Variants in FHIT observed in about 807,000 individuals in gnomAD.
FHIT encodes the protein bis(5'-adenosyl)-triphosphatase.
In FHIT, 19 loss-of-function variants were observed where a neutral mutation model predicts 17.9. The ratio of observed to expected loss-of-function variants is 1.06; its 90% CI spans 0.74 to 1.56. The LOEUF is 1.56. Among genes scored for constraint, FHIT ranks in the 40% most tolerant of loss-of-function variants. FHIT has a pLI of 0.00. For missense variants in FHIT, 248 were observed against 189.2 expected, an observed-to-expected ratio of 1.31 and a Z score of -1.82; for synonymous variants, 81 against 69.7, an observed-to-expected ratio of 1.16 and a Z score of -0.81.
At chr3:60,818,740 T>C (rs961053316) in intron 4 of FHIT, among the ~76,000 whole-genome samples, 1 of 152,184 alleles carries the variant, frequency 6.6e-6, no homozygotes, top group Admixed American at 6.5e-5. Flanking sequence ...GAGCTTCCCC[T>C]CTCTGCCTCT....
intron 4 of FHIT, among the ~76,000 whole-genome samples, chr3:60,556,653 C>A (rs183674412): frequency 6.6e-6 from 1 of 152,176 alleles, no homozygotes; most frequent in Non-Finnish European, 1.5e-5. Flanking sequence ...AAGTGGTCAC[C>A]CAACACCGCT....
intron 8 of FHIT, among the ~76,000 whole-genome samples, chr3:59,757,874 A>C (rs1701300289): frequency 6.6e-6 from 1 of 152,148 alleles, no homozygotes; most frequent in South Asian, 2.1e-4. Flanking sequence ...CTCTCTTATT[A>C]CTTTCTATTC....
At chr3:59,909,677 C>T (rs1450123294) in intron 8 of FHIT, among the ~76,000 whole-genome samples, 10 of 152,162 alleles carry the variant, frequency 6.6e-5, no homozygotes, top group African/African-American at 2.2e-4. Context: ...ACTTAGCTAG[C>T]TCACACACAC....
intron 3 of FHIT, among the ~76,000 whole-genome samples, chr3:60,915,758 C>A (rs1283899217): frequency 6.6e-6 from 1 of 152,004 alleles, no homozygotes; most frequent in Non-Finnish European, 1.5e-5. Flanking sequence ...ACTGTCAAAA[C>A]AAAAGTCAAG....
At chr3:61,186,604 T>A (rs982991414) in intron 2 of FHIT, among the ~76,000 whole-genome samples, 4 of 152,170 alleles carry the variant, frequency 2.6e-5, no homozygotes, top group Non-Finnish European at 5.9e-5. Context: ...CTGAGAGATA[T>A]GTTTGTCCAT....
intron 3 of FHIT, among the ~76,000 whole-genome samples, chr3:61,021,595 T>A: frequency 1.7e-5 from 1 of 58,836 alleles, no homozygotes; most frequent in African/African-American, 6.6e-5. Context: ...CGAGACTCCG[T>A]CTCAAAAAAA....
At chr3:60,742,365 C>A (rs1553714085) in intron 4 of FHIT, among the ~76,000 whole-genome samples, 1 of 152,176 alleles carries the variant, frequency 6.6e-6, no homozygotes, top group African/African-American at 2.4e-5. Context: ...GACATTGAGA[C>A]ATTGCCCACA....
chr3:60,201,978 C>G (rs1439761100), intron 5 of FHIT, among the ~76,000 whole-genome samples: 1 of 152,124 alleles, frequency 6.6e-6, no homozygotes, highest in Non-Finnish European at 1.5e-5. Flanking sequence ...GCTGCCTGTC[C>G]CAGGATTGCC....
At chr3:60,182,183 C>G (rs575227412) in intron 5 of FHIT, among the ~76,000 whole-genome samples, 235 of 152,258 alleles carry the variant, frequency 1.5e-3, no homozygotes, top group African/African-American at 5.2e-3. Flanking sequence ...GGTTGCTTTC[C>G]TCCCCACCTG....
chr3:60,923,367 C>T (rs1032993819), intron 3 of FHIT, among the ~76,000 whole-genome samples: 5 of 152,144 alleles, frequency 3.3e-5, no homozygotes, highest in African/African-American at 1.2e-4. Flanking sequence ...CTCCATTTCC[C>T]TGTAGGTAAT....
intron 8 of FHIT, among the ~76,000 whole-genome samples, chr3:59,764,618 CTCTA>C (rs1191780032): frequency 3.9e-5 from 6 of 152,032 alleles, no homozygotes; most frequent in African/African-American, 1.4e-4. Flanking sequence ...AAATGCCTCT[CTCTA>C]TTTCATTTAA....
At chr3:61,200,842 G>A (rs556101253) in intron 1 of FHIT, among the ~76,000 whole-genome samples, 177 bp from the exon 2 acceptor site, 11 of 152,260 alleles carry the variant, frequency 7.2e-5, no homozygotes, top group South Asian at 4.1e-4. Context: ...AAGACAGTCA[G>A]AAACTGAAAA....
intron 5 of FHIT, among the ~76,000 whole-genome samples, chr3:60,056,456 A>G (rs1014199545): frequency 3.3e-5 from 5 of 152,230 alleles, no homozygotes; most frequent in Admixed American, 6.5e-5. Context: ...AAGTTTTGTA[A>G]GAGAAACTCT....
intron 4 of FHIT, among the ~76,000 whole-genome samples, chr3:60,700,959 A>G (rs1234611938): frequency 6.6e-6 from 1 of 151,852 alleles, no homozygotes; most frequent in Non-Finnish European, 1.5e-5. Context: ...TTTTTCTAAA[A>G]TTTATATTGT....
intron 4 of FHIT, among the ~76,000 whole-genome samples, chr3:60,761,576 C>T (rs1699658658): frequency 6.7e-6 from 1 of 149,910 alleles, no homozygotes; most frequent in South Asian, 2.1e-4. Context: ...CAATTATCAA[C>T]ATAGATGTTC....
chr3:61,163,762 G>A (rs1415926761), intron 2 of FHIT, among the ~76,000 whole-genome samples: 1 of 152,090 alleles, frequency 6.6e-6, no homozygotes, highest in Non-Finnish European at 1.5e-5. Flanking sequence ...CTACACAACT[G>A]TCTGCTCTTC....
At chr3:60,220,308 C>G (rs1703903948) in intron 5 of FHIT, among the ~76,000 whole-genome samples, 1 of 151,980 alleles carries the variant, frequency 6.6e-6, no homozygotes, top group Admixed American at 6.6e-5. Flanking sequence ...AATATATTTC[C>G]TATCTACCTC....
chr3:60,122,228 A>AT (rs1398595120), intron 5 of FHIT, among the ~76,000 whole-genome samples: 1 of 152,210 alleles, frequency 6.6e-6, no homozygotes, highest in East Asian at 1.9e-4. Flanking sequence ...TAAAAACATT[A>AT]TATTAGTATA....
At chr3:60,754,851 T>G (rs1337812801) in intron 4 of FHIT, among the ~76,000 whole-genome samples, 4 of 152,170 alleles carry the variant, frequency 2.6e-5, no homozygotes, top group Non-Finnish European at 5.9e-5. Flanking sequence ...GCTGGAACCT[T>G]AGTCATACCC....
Sources: gnomAD v4.1 joint callset for allele counts (sites outside exome capture counted in the v4.1 genomes callset) on GRCh38, gnomAD v4.1.1 for gene constraint, MANE v1.5 for transcripts, NCBI Gene and HGNC (gene_info 2026-07-23, HGNC 2026-07-21) for gene names.